The following ICA1 variants were observed in gnomAD, a reference collection of about 807,000 sequenced individuals.
ICA1 encodes the protein islet cell autoantigen 1.
A neutral mutation model predicts 71.0 loss-of-function variants in ICA1; 40 were observed. The observed-to-expected ratio is 0.56, with a 90% confidence interval of 0.44 to 0.73. The LOEUF is 0.73. Ranked by LOEUF, ICA1 falls within the 30% of genes least tolerant of loss-of-function variation. ICA1 has a pLI of 0.00. For missense variants in ICA1, 578 were observed against 576.5 expected, an observed-to-expected ratio of 1.00 and a Z score of -0.03; for synonymous variants, 207 against 209.5, an observed-to-expected ratio of 0.99 and a Z score of 0.10.
At chr7:8,161,779 A>G (rs1412066609) in intron 6 of ICA1, among the ~76,000 whole-genome samples, 1 of 152,200 alleles carries the variant, frequency 6.6e-6, no homozygotes, top group Non-Finnish European at 1.5e-5. Flanking sequence ...AGCTGACCAC[A>G]GACACAAGTG....
chr7:8,127,314 G>A (rs1399679589), intron 13 of ICA1, among the ~76,000 whole-genome samples: 1 of 151,974 alleles, frequency 6.6e-6, no homozygotes, highest in Admixed American at 6.6e-5. Flanking sequence ...TCTGATCAGT[G>A]TGGAAACTCT....
At chr7:8,236,641 T>C (rs1046439716) in intron 1 of ICA1, among the ~76,000 whole-genome samples, 3 of 152,218 alleles carry the variant, frequency 2.0e-5, no homozygotes, top group African/African-American at 7.2e-5. Flanking sequence ...TTGAATAAGA[T>C]AGCAAGAAGG....
At chr7:8,143,147 A>G (rs1014214913) in intron 9 of ICA1, among the ~76,000 whole-genome samples, 17 of 152,252 alleles carry the variant, frequency 1.1e-4, no homozygotes, top group African/African-American at 3.1e-4. Flanking sequence ...GATTAACTGC[A>G]TTCCTGCAAG....
chr7:8,261,190 T>C (rs1186856069), intron 1 of ICA1, among the ~76,000 whole-genome samples: 1 of 152,156 alleles, frequency 6.6e-6, no homozygotes, highest in Non-Finnish European at 1.5e-5. Context: ...CGCGATTCTT[T>C]CCAAACTAAC....
intron 1 of ICA1, among the ~76,000 whole-genome samples, chr7:8,249,433 C>A (rs1216818283): frequency 6.6e-6 from 1 of 152,186 alleles, no homozygotes; most frequent in African/African-American, 2.4e-5. Context: ...AGGGGCCAGC[C>A]TCTGAAGCAC....
chr7:8,208,826 A>G (rs958984688), intron 6 of ICA1, among the ~76,000 whole-genome samples: 8 of 152,184 alleles, frequency 5.3e-5, no homozygotes, highest in South Asian at 2.1e-4. Context: ...GGCACTATAC[A>G]TCCCTCTGAC....
rs955381036 is a variant in ICA1, at chr7:8,129,947, T to C, written c.1061-1805A>G. Among the ~76,000 whole-genome samples, 8 of 116,992 alleles carry C rather than the reference T, an allele frequency of 6.8e-5. No individual in the cohort carries two copies. In the East Asian group the frequency reaches 2.5e-3, roughly 36 times the overall value. 76.8% of individuals were successfully genotyped at this position (116,992 alleles called of 152,430 possible). On this transcript the variant is annotated intron_variant, in intron 12 of 13. Coordinates refer to ENST00000402384, the MANE Select transcript of ICA1 (RefSeq NM_001136020.3). ...CAATTCCCACCTACGAGATAGAATA[T>C]GCGGTATTTGGTTTTTTGTCCTTGG...
chr7:8,163,005 C>T (rs1247099072), intron 6 of ICA1, among the ~76,000 whole-genome samples: 1 of 152,148 alleles, frequency 6.6e-6, no homozygotes. Context: ...CTCAGAAAAT[C>T]CGCCCGCCTT....
intron 6 of ICA1, among the ~76,000 whole-genome samples, chr7:8,217,512 T>C (rs1232566355): frequency 6.6e-6 from 1 of 152,226 alleles, no homozygotes; most frequent in Non-Finnish European, 1.5e-5. Flanking sequence ...GTAAGACAGT[T>C]GACACAATAT....
At chr7:8,244,396 C>A (rs1310656752) in intron 1 of ICA1, among the ~76,000 whole-genome samples, 4 of 152,240 alleles carry the variant, frequency 2.6e-5, no homozygotes, top group African/African-American at 7.2e-5. Flanking sequence ...ACACTTTATA[C>A]AAAAATTAAT....
intron 6 of ICA1, among the ~76,000 whole-genome samples, chr7:8,216,947 A>T (rs1052510509): frequency 6.6e-6 from 1 of 152,238 alleles, no homozygotes; most frequent in Admixed American, 6.5e-5. Flanking sequence ...CACCCTCTTC[A>T]TTCTCCTCAA....
chr7:8,163,243 T>C (rs111322508), intron 6 of ICA1, among the ~76,000 whole-genome samples: 33 of 152,366 alleles, frequency 2.2e-4, no homozygotes, highest in African/African-American at 7.7e-4. Flanking sequence ...CAACGCATGG[T>C]GAAGCCAAAG....
At chr7:8,114,458 G>A (rs996095722) in intron 13 of ICA1, among the ~76,000 whole-genome samples, 3 of 152,186 alleles carry the variant, frequency 2.0e-5, no homozygotes, top group African/African-American at 7.2e-5. Context: ...CAAATCTGCT[G>A]GGTCAGGAGA....
chr7:8,191,158 C>T (rs1785470529), intron 6 of ICA1, among the ~76,000 whole-genome samples: 2 of 152,326 alleles, frequency 1.3e-5, no homozygotes, highest in South Asian at 4.1e-4. Flanking sequence ...TATAATGTCC[C>T]TGCTATCATC....
chr7:8,167,687 T>C (rs760520186), intron 6 of ICA1, among the ~76,000 whole-genome samples: 4 of 152,196 alleles, frequency 2.6e-5, no homozygotes, highest in Non-Finnish European at 5.9e-5. Context: ...TTTACTTTAA[T>C]AACGTGGTTT....
intron 12 of ICA1, among the ~76,000 whole-genome samples, chr7:8,137,932 G>A (rs1228699500): frequency 6.6e-6 from 1 of 152,072 alleles, no homozygotes; most frequent in Non-Finnish European, 1.5e-5. Context: ...GGTTGACTGG[G>A]GCCTGCAGGA....
At chr7:8,185,287 A>G (rs1158054354) in intron 6 of ICA1, among the ~76,000 whole-genome samples, 1 of 152,222 alleles carries the variant, frequency 6.6e-6, no homozygotes, top group Non-Finnish European at 1.5e-5. Flanking sequence ...ACAAAATTAG[A>G]GCAGACTTAT....
At chr7:8,142,950 G>C (rs186912369) in intron 9 of ICA1, among the ~76,000 whole-genome samples, 2 of 152,238 alleles carry the variant, frequency 1.3e-5, no homozygotes, top group African/African-American at 2.4e-5. Flanking sequence ...AATTTAAAAA[G>C]GCTAATATTG....
Position 8,218,374 on chromosome 7 carries a change from T to A in ICA1, c.510A>T (p.Leu170=), listed in dbSNP as rs574839504. ...CCTGAGACACGTCCTTCATCCATAATAGTGCTCCTCTATATTCCGTCCTGC... is the reference window on the plus strand; with the variant it reads ...CCTGAGACACGTCCTTCATCCATAAAAGTGCTCCTCTATATTCCGTCCTGC... ...EQCRTEYRGA[L]LWMKDVSQEL... The change falls in exon 6 of 14, where the codon CTA becomes CTT. Residue 170 remains leucine (L), a synonymous_variant. Transcript: ENST00000402384. 6.2e-7 allele frequency: 1 copy of A among 1,614,168 alleles called. No individual in the cohort carries two copies. Among genetic ancestry groups the A allele is most frequent in the East Asian group, 2.2e-5 (1 of 44,886 alleles).
Sources: gnomAD v4.1 joint callset for allele counts (sites outside exome capture counted in the v4.1 genomes callset) on GRCh38, gnomAD v4.1.1 for gene constraint, MANE v1.5 for transcripts, NCBI Gene and HGNC (gene_info 2026-07-23, HGNC 2026-07-21) for gene names.